RTF1: variants seen among roughly 807,000 people sequenced by gnomAD.
RTF1 encodes the protein RNA polymerase-associated protein RTF1 homolog.
In RTF1, 10 loss-of-function variants were observed where a neutral mutation model predicts 95.7. The ratio of observed to expected loss-of-function variants is 0.10; its 90% CI spans 0.06 to 0.18. RTF1 has a LOEUF of 0.18. Ranked by LOEUF, RTF1 falls within the 10% of genes least tolerant of loss-of-function variation. The pLI, the probability that RTF1 is intolerant of heterozygous loss-of-function variation, is 1.00. For missense variants in RTF1, 458 were observed against 875.6 expected, an observed-to-expected ratio of 0.52 and a Z score of 6.02; for synonymous variants, 305 against 311.8, an observed-to-expected ratio of 0.98 and a Z score of 0.23.
At chr15:41,474,562 G>T in intron 8 of RTF1, 58 bp from the exon 9 acceptor site, 1 of 1,197,324 alleles carries the variant, frequency 8.4e-7, no homozygotes, top group South Asian at 1.2e-5. Context: ...AAGGAAGAGT[G>T]TTGTGGAAAG....
chr15:41,431,634 A>G lies in RTF1; in HGVS notation c.199-6687A>G, dbSNP rs149281353. On this transcript the variant is annotated intron_variant, in intron 1 of 17. Coordinates refer to ENST00000389629, the MANE Select transcript of RTF1 (RefSeq NM_015138.5). ...TGCCTCAGCCTCTTGAGTAGCTGAG[A>G]CTATAGGCATGTGCCACCACACCTG... 1.3e-3 allele frequency among the ~76,000 whole-genome samples: 196 copies of G among 151,846 alleles called. 2 individuals carry two copies. The highest frequency in any genetic ancestry group is 8.7e-3 in the Admixed American group (133 of 15,228).
At chr15:41,470,745 G>A (rs1367631538) in intron 7 of RTF1, among the ~76,000 whole-genome samples, 2 of 131,046 alleles carry the variant, frequency 1.5e-5, no homozygotes, top group Non-Finnish European at 3.1e-5. Context: ...TGCAAGCTCC[G>A]CCTCCCGGGT....
chr15:41,477,820 A>T (rs1303011776), intron 14 of RTF1, among the ~76,000 whole-genome samples: 2 of 152,204 alleles, frequency 1.3e-5, no homozygotes, highest in Non-Finnish European at 2.9e-5. Flanking sequence ...GGAAAAGGAT[A>T]ATATGCCGGG....
intron 1 of RTF1, 142 bp downstream of exon 1, chr15:41,417,455 C>T: frequency 1.4e-6 from 1 of 700,906 alleles, no homozygotes; most frequent in Non-Finnish European, 2.0e-6. Flanking sequence ...AGCCCCTTTC[C>T]CGTCTTCCTG....
chr15:41,438,241 A>G, intron 1 of RTF1, 80 bp from the exon 2 acceptor site: 1 of 925,558 alleles, frequency 1.1e-6, no homozygotes. Context: ...AAAAAGATCT[A>G]GAGAGGGTGG....
At position 41,445,438 on chromosome 15, in the gene RTF1, T is replaced by C. The variant is rs530172510; in HGVS notation, c.309+7007T>C. Among the ~76,000 whole-genome samples, 4 of 152,322 alleles carry C rather than the reference T, an allele frequency of 2.6e-5. No homozygotes were observed. The East Asian group carries it at 5.8e-4, about 22-fold the overall frequency. ...GTGTAATGTAGTATTAATTATATTGTTCATTTTTTGGTATCACTTCTGTTT... is the reference window on the plus strand; with the variant it reads ...GTGTAATGTAGTATTAATTATATTGCTCATTTTTTGGTATCACTTCTGTTT... On this transcript the variant is annotated intron_variant, in intron 2 of 17. Coordinates refer to ENST00000389629, the MANE Select transcript of RTF1 (RefSeq NM_015138.5).
intron 6 of RTF1, 152 bp from the exon 7 acceptor site, chr15:41,470,105 C>A: frequency 1.3e-6 from 1 of 744,570 alleles, no homozygotes; most frequent in Non-Finnish European, 2.2e-6. Flanking sequence ...TGTGTTTTAA[C>A]TCATTTCTGT....
In RTF1 at chr15:41,481,407, T is replaced by G. The variant is rs904803556; in HGVS notation, c.*720T>G. 6.6e-6 allele frequency: 1 copy of G among 152,636 alleles called. No homozygotes were observed. 9.5% of individuals were successfully genotyped at this position (152,636 alleles called of 1,614,324 possible). On this transcript the variant is annotated 3_prime_UTR_variant, in exon 18 of 18. Transcript: ENST00000389629. ...TCAGCTGTACTTGAGCATCTGAAAC[T>G]GCAAGAAAGAAACTCATTAAATGTG...
In RTF1 at chr15:41,480,975, G is replaced by A. The variant is rs185224567; in HGVS notation, c.*288G>A. ...GTGTTTGCCTTTTGTTTTTTTAACC[G>A]CGCAGTTCATTGGCCACTCTGCACG... is the stretch of plus-strand genomic sequence containing the variant. On this transcript the variant is annotated 3_prime_UTR_variant, in exon 18 of 18. Coordinates refer to ENST00000389629, the MANE Select transcript of RTF1 (RefSeq NM_015138.5). 135 of 383,952 alleles carry A rather than the reference G, an allele frequency of 3.5e-4. No homozygotes were observed. The Middle Eastern group carries it at 4.0e-3, about 11-fold the overall frequency. The allele number at this position is 383,952 out of a possible 1,614,324, so 23.8% of individuals were successfully genotyped here. A position where few individuals can be genotyped will look rare whatever the true frequency, so the allele number is the denominator to read the frequency against.
In RTF1 at chr15:41,452,227, G is replaced by A. The variant is rs1485396646; in HGVS notation, c.310-674G>A. On this transcript the variant is annotated intron_variant, in intron 2 of 17. Transcript: ENST00000389629. ...AAGGCAGGCAAATTGCTTGAGCTCAGGAGTTTAAGACCAGCCTGGGAAACG... is the reference window on the plus strand; with the variant it reads ...AAGGCAGGCAAATTGCTTGAGCTCAAGAGTTTAAGACCAGCCTGGGAAACG... 2.6e-5 allele frequency among the ~76,000 whole-genome samples: 4 copies of A among 152,184 alleles called. No homozygotes were observed. In the South Asian group the frequency reaches 8.3e-4, roughly 32 times the overall value.
At chr15:41,468,707 C>T (rs1047462495) in intron 6 of RTF1, among the ~76,000 whole-genome samples, 1 of 152,044 alleles carries the variant, frequency 6.6e-6, no homozygotes, top group African/African-American at 2.4e-5. Flanking sequence ...ATTTTCCTTT[C>T]GTTTACCAGT....
intron 2 of RTF1, among the ~76,000 whole-genome samples, chr15:41,450,272 G>A (rs887678032): frequency 1.3e-5 from 2 of 152,172 alleles, no homozygotes; most frequent in African/African-American, 4.8e-5. Context: ...AGTACTGTAA[G>A]ATATAAGAAG....
At chr15:41,457,593 A>G in intron 3 of RTF1, 79 bp from the exon 4 acceptor site, 1 of 1,160,206 alleles carries the variant, frequency 8.6e-7, no homozygotes, top group Admixed American at 1.8e-5. Flanking sequence ...AAGAAGGGTG[A>G]TGTTGTCAAC....
chr15:41,437,224 G>C (rs1357169172), intron 1 of RTF1, among the ~76,000 whole-genome samples: 2 of 151,970 alleles, frequency 1.3e-5, no homozygotes, highest in Non-Finnish European at 1.5e-5. Flanking sequence ...GGCCGGGTGT[G>C]GGGGCTCACA....
At chr15:41,431,466 C>T (rs1433667780) in intron 1 of RTF1, among the ~76,000 whole-genome samples, 2 of 151,108 alleles carry the variant, frequency 1.3e-5, no homozygotes, top group Admixed American at 6.6e-5. Flanking sequence ...CCACCTGCCT[C>T]GGCCTCCCAA....
At chr15:41,444,026 C>A (rs1273631089) in intron 2 of RTF1, among the ~76,000 whole-genome samples, 1 of 151,150 alleles carries the variant, frequency 6.6e-6, no homozygotes, top group African/African-American at 2.4e-5. Context: ...CGAGATTGCA[C>A]CACTGCACTC....
rs370616373 is a variant in RTF1 at position 41,479,390 on chromosome 15, C to T, written c.1914+192C>T. ...CTTAATTCCAAACCTGACACCACTA[C>T]TTGCCTAGGGCCTTGACTATGTCCT... On this transcript the variant is annotated intron_variant, in intron 16 of 17. Coordinates refer to ENST00000389629, the MANE Select transcript of RTF1 (RefSeq NM_015138.5). Among the ~76,000 whole-genome samples, 3 of 152,222 alleles carry T rather than the reference C, an allele frequency of 2.0e-5. No individual in the cohort carries two copies. The East Asian group carries it at 5.8e-4, about 29-fold the overall frequency.
At chr15:41,459,656 T>C (rs1295440413) in intron 4 of RTF1, among the ~76,000 whole-genome samples, 1 of 152,246 alleles carries the variant, frequency 6.6e-6, no homozygotes, top group Non-Finnish European at 1.5e-5. Context: ...TTTGGAGCCC[T>C]GTCTTCACAG....
At chr15:41,456,330 T>A (rs77057722) in intron 3 of RTF1, among the ~76,000 whole-genome samples, 2,396 of 140,452 alleles carry the variant, frequency 0.017, 72 homozygotes, top group African/African-American at 0.061. Context: ...ATTAAAAAAA[T>A]ACAAAAAAAT....
Sources: gnomAD v4.1 joint callset for allele counts (sites outside exome capture counted in the v4.1 genomes callset) on GRCh38, gnomAD v4.1.1 for gene constraint, MANE v1.5 for transcripts, NCBI Gene and HGNC (gene_info 2026-07-23, HGNC 2026-07-21) for gene names.